The following CACNA1E variants were observed in gnomAD, a reference collection of about 807,000 sequenced individuals.
The protein encoded by CACNA1E is calcium voltage-gated channel subunit alpha1 E.
Under a neutral mutation model 259.2 loss-of-function variants are expected in CACNA1E, and 40 were observed. That is an observed-to-expected ratio of 0.15 (90% CI 0.12 to 0.20). CACNA1E has a LOEUF of 0.20. Among genes scored for constraint, CACNA1E ranks in the 10% least tolerant of loss-of-function variants. The pLI is 1.00. For synonymous variants in CACNA1E, 1,104 were observed against 1,138.5 expected (o/e 0.97, Z 0.61); for missense variants, 1,874 against 3,040.1 (o/e 0.62, Z 9.02).
chr1:181,677,938 G>C (rs1039674903), intron 7 of CACNA1E, among the ~76,000 whole-genome samples: 1 of 152,206 alleles, frequency 6.6e-6, no homozygotes, highest in African/African-American at 2.4e-5. Flanking sequence ...CATTGGTTTA[G>C]TTAGGTCTGG....
At chr1:181,721,961 C>T in intron 16 of CACNA1E, 86 bp downstream of exon 16, 1 of 902,616 alleles carries the variant, frequency 1.1e-6, no homozygotes, top group Non-Finnish European at 1.9e-6. Context: ...GGTGCTAGAG[C>T]TTGGGTTGGT....
At chr1:181,797,423 C>T (rs1326479413) in intron 47 of CACNA1E, among the ~76,000 whole-genome samples, 1 of 152,190 alleles carries the variant, frequency 6.6e-6, no homozygotes, top group Non-Finnish European at 1.5e-5. Context: ...GGCATTTTGA[C>T]CCATAATAGG....
intron 2 of CACNA1E, among the ~76,000 whole-genome samples, chr1:181,456,388 T>G (rs1013455506): frequency 3.9e-5 from 6 of 152,030 alleles, no homozygotes; most frequent in Admixed American, 1.3e-4. Context: ...TCACTATGGG[T>G]GAAGAGCCTG....
In CACNA1E at chr1:181,762,560, A is replaced by T; in HGVS notation, c.4606-14A>T. ...TCCTTTTCTGATGTTCCTATGACTG[A>T]ATTCATTTGGCAGAACTATTTCCGA... On this transcript the variant is annotated splice_polypyrimidine_tract_variant and intron_variant, in intron 32 of 47. Transcript: ENST00000367573. 2 of 1,513,120 alleles carry T rather than the reference A, an allele frequency of 1.3e-6. No homozygotes were observed. Among genetic ancestry groups the T allele is most frequent in the Non-Finnish European group, 1.8e-6 (2 of 1,089,124 alleles). 93.7% of individuals were successfully genotyped at this position (1,513,120 alleles called of 1,614,324 possible). A position where few individuals can be genotyped will look rare whatever the true frequency, so the allele number is the denominator to read the frequency against.
intron 3 of CACNA1E, among the ~76,000 whole-genome samples, chr1:181,561,643 G>A (rs955262903): frequency 7.2e-5 from 11 of 152,120 alleles, no homozygotes; most frequent in African/African-American, 2.4e-4. Flanking sequence ...TTTCTGCCTA[G>A]TATTCAGTTG....
At chr1:181,583,426 C>T (rs992377354) in intron 6 of CACNA1E, among the ~76,000 whole-genome samples, 4 of 152,180 alleles carry the variant, frequency 2.6e-5, no homozygotes, top group African/African-American at 9.7e-5. Flanking sequence ...CAGCCCTATG[C>T]ACCTTCTATT....
intron 34 of CACNA1E, among the ~76,000 whole-genome samples, chr1:181,764,514 A>G (rs184860014): frequency 6.6e-6 from 1 of 152,364 alleles, no homozygotes; most frequent in East Asian, 1.9e-4. Context: ...CCCCACATCC[A>G]TCATTACTGA....
intron 11 of CACNA1E, 60 bp from the exon 12 acceptor site, chr1:181,717,995 T>C (rs1386453201): frequency 1.3e-6 from 1 of 790,682 alleles, no homozygotes; most frequent in East Asian, 2.6e-5. Flanking sequence ...GTGTGTTAGC[T>C]GAGAAGTGCA....
Position 181,710,957 on chromosome 1 carries a change from A to G in CACNA1E, c.1059A>G (p.Glu353=). The change falls in exon 8 of 48, where the codon GAA becomes GAG. Residue 353 remains glutamate (E), a synonymous_variant. Transcript: ENST00000367573. ...ATCTTATCCTTCTTGTCCACAGGGA[A>G]TTTGCCAAAGAGAGAGAGAGAGTGG... ...LNLVLGVLSG[E]FAKERERVEN... The G allele has an allele frequency of 6.3e-7, 1 of 1,590,294 alleles. No individual in the cohort carries two copies. The highest frequency in any genetic ancestry group is 8.6e-7 in the Non-Finnish European group (1 of 1,159,154).
At chr1:181,383,348 G>A (rs1655604738) in intron 1 of CACNA1E, among the ~76,000 whole-genome samples, 1 of 152,200 alleles carries the variant, frequency 6.6e-6, no homozygotes, top group South Asian at 2.1e-4. Flanking sequence ...GATGTGGTAG[G>A]TGCACAGAAA....
At chr1:181,406,557 G>A (rs994581190) in intron 1 of CACNA1E, among the ~76,000 whole-genome samples, 4 of 151,882 alleles carry the variant, frequency 2.6e-5, no homozygotes, top group South Asian at 2.1e-4. Context: ...CAGCATGCCC[G>A]GTTAATTTTT....
At chr1:181,336,922 T>C (rs1388856901) in intron 1 of CACNA1E, among the ~76,000 whole-genome samples, 3 of 108,874 alleles carry the variant, frequency 2.8e-5, no homozygotes, top group African/African-American at 7.1e-5. Flanking sequence ...ATTACATCTA[T>C]ATAATGTCAT....
chr1:181,335,992 G>A (rs1315937375), intron 1 of CACNA1E, among the ~76,000 whole-genome samples: 1 of 152,164 alleles, frequency 6.6e-6, no homozygotes, highest in African/African-American at 2.4e-5. Flanking sequence ...TTATCCAGAC[G>A]ACCTCACTAC....
intron 3 of CACNA1E, among the ~76,000 whole-genome samples, chr1:181,542,535 TAGTG>T (rs1175071213): frequency 1.3e-5 from 2 of 152,098 alleles, no homozygotes; most frequent in Non-Finnish European, 2.9e-5. Flanking sequence ...GTTCTCATGA[TAGTG>T]AGTGAGTTCT....
intron 3 of CACNA1E, among the ~76,000 whole-genome samples, chr1:181,533,650 G>A (rs1472975814): frequency 6.6e-6 from 1 of 151,920 alleles, no homozygotes; most frequent in African/African-American, 2.4e-5. Context: ...AAATGCAGTG[G>A]ATTTATTGAC....
At chr1:181,384,739 GCCATGTT>G (rs371381941) in intron 1 of CACNA1E, among the ~76,000 whole-genome samples, 38 of 152,070 alleles carry the variant, frequency 2.5e-4, no homozygotes, top group African/African-American at 8.2e-4. Context: ...CCCAGACCCT[GCCATGTT>G]CCATTCTGCC....
At chr1:181,371,992 G>C (rs1292292485) in intron 1 of CACNA1E, among the ~76,000 whole-genome samples, 1 of 152,180 alleles carries the variant, frequency 6.6e-6, no homozygotes, top group Non-Finnish European at 1.5e-5. Flanking sequence ...CTGTAGCCTT[G>C]TAGTATAGTT....
chr1:181,452,677 A>G (rs913574027), intron 2 of CACNA1E, among the ~76,000 whole-genome samples: 1 of 152,224 alleles, frequency 6.6e-6, no homozygotes, highest in Admixed American at 6.5e-5. Flanking sequence ...CTTCAAGGCT[A>G]TCTCTAGGTA....
intron 35 of CACNA1E, 151 bp from the exon 36 acceptor site, chr1:181,771,142 A>G: frequency 3.4e-6 from 2 of 584,530 alleles, no homozygotes; most frequent in Non-Finnish European, 3.1e-6. Context: ...GCCCAAAAGC[A>G]CAGTATCCAG....
Sources: allele counts gnomAD v4.1 joint callset (sites outside exome capture counted in the v4.1 genomes callset), GRCh38; gene constraint gnomAD v4.1.1; transcripts MANE v1.5; gene names NCBI Gene and HGNC (gene_info 2026-07-23, HGNC 2026-07-21).